The following MCC variants were observed in gnomAD, a reference collection of about 807,000 sequenced individuals.
MCC encodes the protein colorectal mutant cancer protein.
A neutral mutation model predicts 116.2 loss-of-function variants in MCC; 90 were observed. The observed-to-expected ratio is 0.77, with a 90% CI of 0.65 to 0.92. The LOEUF (loss-of-function observed/expected upper bound fraction) is 0.92, where lower values mean the gene tolerates loss of function less well. Among genes scored for constraint, MCC ranks in the 40% least tolerant of loss-of-function variants. The probability of loss-of-function intolerance (pLI) is 0.00; values close to 1 mark genes in which losing one functional copy is unlikely to be tolerated. For synonymous variants in MCC, 578 were observed against 510.5 expected (o/e 1.13, Z -1.78); for missense variants, 1,516 against 1,312.2 (o/e 1.16, Z -2.40).
intron 2 of MCC, among the ~76,000 whole-genome samples, chr5:113,346,133 G>A (rs6876848): frequency 0.26 from 39,255 of 152,002 alleles, 5,352 homozygotes; most frequent in African/African-American, 0.32. Flanking sequence ...CCTGTGCTGA[G>A]CCACCTGGAG....
At chr5:113,055,794 G>A (rs1266416442) in intron 14 of MCC, among the ~76,000 whole-genome samples, 1 of 152,190 alleles carries the variant, frequency 6.6e-6, no homozygotes, top group Non-Finnish European at 1.5e-5. Context: ...TGTTACATGT[G>A]ATTACCATTA....
intron 15 of MCC, among the ~76,000 whole-genome samples, chr5:113,053,190 C>G (rs1272328695): frequency 6.6e-6 from 1 of 152,148 alleles, no homozygotes; most frequent in East Asian, 1.9e-4. Flanking sequence ...AGCTGAAGGG[C>G]CCAGTGTTTC....
intron 2 of MCC, among the ~76,000 whole-genome samples, chr5:113,383,507 C>T (rs2150392999): frequency 6.6e-6 from 1 of 152,094 alleles, no homozygotes; most frequent in East Asian, 1.9e-4. Flanking sequence ...ATTAGTAAAA[C>T]ACAAATCACA....
At chr5:113,203,030 C>T (rs1279765047) in intron 3 of MCC, among the ~76,000 whole-genome samples, 1 of 152,268 alleles carries the variant, frequency 6.6e-6, no homozygotes, top group East Asian at 1.9e-4. Flanking sequence ...GCCACCAAGC[C>T]AGGAAATCTT....
chr5:113,158,918 CT>C (rs1760327677), intron 3 of MCC, among the ~76,000 whole-genome samples: 1 of 152,084 alleles, frequency 6.6e-6, no homozygotes, highest in Non-Finnish European at 1.5e-5. Context: ...CGTAAACCTG[CT>C]TGTGTCCATG....
At chr5:113,244,494 A>T (rs1400244395) in intron 3 of MCC, among the ~76,000 whole-genome samples, 1 of 152,260 alleles carries the variant, frequency 6.6e-6, no homozygotes, top group Non-Finnish European at 1.5e-5. Context: ...TACATTATGA[A>T]ACTTTAGACG....
intron 1 of MCC, among the ~76,000 whole-genome samples, chr5:113,396,531 G>A (rs1046828162): frequency 6.6e-6 from 1 of 151,888 alleles, no homozygotes; most frequent in African/African-American, 2.4e-5. Context: ...CAGCTACTCA[G>A]GAGGCTGAGG....
At chr5:113,315,704 CAAAAAAAA>C (rs35274366) in intron 3 of MCC, among the ~76,000 whole-genome samples, 167 of 64,472 alleles carry the variant, frequency 2.6e-3, no homozygotes, top group African/African-American at 7.6e-3. Context: ...CCCATCTCTA[CAAAAAAAA>C]AAAAAAAAAA....
At chr5:113,137,467 G>T (rs1478982130) in intron 5 of MCC, among the ~76,000 whole-genome samples, 1 of 152,010 alleles carries the variant, frequency 6.6e-6, no homozygotes, top group African/African-American at 2.4e-5. Flanking sequence ...TTTTTTCCTT[G>T]ATTCTGTTAA....
chr5:113,145,791 CACACACACACACACAA>C (rs1315783131), intron 4 of MCC, among the ~76,000 whole-genome samples: 103 of 56,456 alleles, frequency 1.8e-3, no homozygotes, highest in African/African-American at 6.2e-3. Context: ...CACAAACACA[CACACACACACACACAA>C]AAGACCCTGT....
intron 1 of MCC, among the ~76,000 whole-genome samples, chr5:113,461,633 T>G (rs1005843244): frequency 6.6e-6 from 1 of 151,624 alleles, no homozygotes; most frequent in African/African-American, 2.4e-5. Context: ...ATCATGCCAC[T>G]GCACTCCAGC....
At chr5:113,396,979 A>G (rs1441758651) in intron 1 of MCC, among the ~76,000 whole-genome samples, 2 of 152,204 alleles carry the variant, frequency 1.3e-5, no homozygotes, top group Non-Finnish European at 2.9e-5. Context: ...GGGCATAAAA[A>G]TTATATTCTA....
intron 14 of MCC, among the ~76,000 whole-genome samples, chr5:113,060,486 G>C (rs890213529): frequency 6.6e-6 from 1 of 152,126 alleles, no homozygotes; most frequent in Non-Finnish European, 1.5e-5. Flanking sequence ...AGTGCCCTGG[G>C]GGTGGGCATC....
chr5:113,286,611 G>T (rs1237342427), intron 3 of MCC, among the ~76,000 whole-genome samples: 1 of 152,106 alleles, frequency 6.6e-6, no homozygotes, highest in African/African-American at 2.4e-5. Flanking sequence ...AAAACATCAG[G>T]CAGCCTTCAC....
chr5:113,073,841 G>A (rs999086478), intron 11 of MCC, among the ~76,000 whole-genome samples: 11 of 152,190 alleles, frequency 7.2e-5, no homozygotes, highest in East Asian at 3.9e-4. Flanking sequence ...ACGGGCGTCC[G>A]CCACTGCTGA....
chr5:113,291,503 C>A (rs1165545389), intron 3 of MCC, among the ~76,000 whole-genome samples: 1 of 152,160 alleles, frequency 6.6e-6, no homozygotes, highest in Non-Finnish European at 1.5e-5. Context: ...CCAATGAGAG[C>A]CATTTTGTTT....
chr5:113,364,170 G>A (rs1332263844), intron 2 of MCC, among the ~76,000 whole-genome samples: 1 of 145,562 alleles, frequency 6.9e-6, no homozygotes, highest in Non-Finnish European at 1.5e-5. Context: ...GGCAGAGATT[G>A]CAGTGAGCTG....
chr5:113,107,739 C>G (rs1448100152), intron 6 of MCC, among the ~76,000 whole-genome samples: 1 of 152,174 alleles, frequency 6.6e-6, no homozygotes, highest in Admixed American at 6.5e-5. Flanking sequence ...ACATTCTGTG[C>G]TGACTTCCCT....
At chr5:113,181,570 C>T (rs558378649) in intron 3 of MCC, among the ~76,000 whole-genome samples, 1 of 152,274 alleles carries the variant, frequency 6.6e-6, no homozygotes, top group South Asian at 2.1e-4. Flanking sequence ...GACTGTGCAC[C>T]TGCTGTCAGA....
Sources: gnomAD v4.1 joint callset for allele counts (sites outside exome capture counted in the v4.1 genomes callset) on GRCh38, gnomAD v4.1.1 for gene constraint, MANE v1.5 for transcripts, NCBI Gene and HGNC (gene_info 2026-07-23, HGNC 2026-07-21) for gene names.